Variants in QRFPR observed in about 807,000 individuals in gnomAD.
The protein encoded by QRFPR is pyroglutamylated RFamide peptide receptor.
A neutral mutation model predicts 31.3 loss-of-function variants in QRFPR; 37 were observed. That is an observed-to-expected ratio of 1.18 (90% CI 0.91 to 1.56). The LOEUF (loss-of-function observed/expected upper bound fraction) is 1.56. QRFPR is among the 40% of genes most tolerant of loss of function. The pLI is 0.00. For missense variants in QRFPR, 542 were observed against 532.5 expected (o/e 1.02, Z -0.18); for synonymous variants, 197 against 192.0 (o/e 1.03, Z -0.22).
At chr4:121,367,579 TAACAGTGC>T (rs1726153392) in intron 1 of QRFPR, among the ~76,000 whole-genome samples, 1 of 150,592 alleles carries the variant, frequency 6.6e-6, no homozygotes, top group Admixed American at 6.6e-5. Context: ...GAGATATTAC[TAACAGTGC>T]AACAAGTTTT....
At chr4:121,367,277 G>A (rs959391812) in intron 1 of QRFPR, among the ~76,000 whole-genome samples, 3 of 149,808 alleles carry the variant, frequency 2.0e-5, no homozygotes, top group African/African-American at 7.4e-5. Context: ...AGACACATGA[G>A]CCTTGAAAGG....
At chr4:121,370,853 A>AT (rs1373214148) in intron 1 of QRFPR, among the ~76,000 whole-genome samples, 1 of 152,210 alleles carries the variant, frequency 6.6e-6, no homozygotes, top group Non-Finnish European at 1.5e-5. Flanking sequence ...ATGCATTAAT[A>AT]TTTTTGTGAA....
intron 1 of QRFPR, among the ~76,000 whole-genome samples, chr4:121,357,246 AGAC>A (rs1435378967): frequency 6.6e-6 from 1 of 152,104 alleles, no homozygotes; most frequent in African/African-American, 2.4e-5. Flanking sequence ...ATTCCTTGGC[AGAC>A]AAGAGAGGAT....
Position 121,332,900 on chromosome 4 carries a change from C to T in QRFPR, c.718G>A (p.Glu240Lys), listed in dbSNP as rs935480016. The change falls in exon 4 of 6, where the codon GAA (glutamate) becomes AAA (lysine). Residue 240 changes from glutamate to lysine, a missense_variant. By Grantham distance (56) the Glu-to-Lys change is moderately conservative. Coordinates refer to ENST00000394427, the MANE Select transcript of QRFPR (RefSeq NM_198179.3). ...MLILYSKIGY[E>K]LWIKKRVGDG... ...CCAACTCTTTTCTTTATCCAAAGTT[C>T]ATAACCAATTTTACTGTACAGAATA... is the stretch of plus-strand genomic sequence containing the variant. 1 of 1,614,152 alleles carries T rather than the reference C, an allele frequency of 6.2e-7. No individual in the cohort carries two copies. Among genetic ancestry groups the T allele is most frequent in the African/African-American group, 1.3e-5 (1 of 75,050 alleles).
At chr4:121,353,255 A>G (rs1725797920) in intron 1 of QRFPR, among the ~76,000 whole-genome samples, 1 of 152,020 alleles carries the variant, frequency 6.6e-6, no homozygotes, top group Non-Finnish European at 1.5e-5. Flanking sequence ...GCTGGATTGT[A>G]TGGTAGTTTT....
chr4:121,360,409 G>A, intron 1 of QRFPR, among the ~76,000 whole-genome samples: 1 of 152,144 alleles, frequency 6.6e-6, no homozygotes, highest in East Asian at 1.9e-4. Flanking sequence ...CCAATTCTGA[G>A]AGCTGGCTAG....
intron 2 of QRFPR, among the ~76,000 whole-genome samples, chr4:121,339,523 C>T (rs868544647): frequency 3.3e-5 from 5 of 152,160 alleles, no homozygotes; most frequent in Admixed American, 1.3e-4. Flanking sequence ...CAGGCATCCC[C>T]AGCACTCAGA....
At chr4:121,340,108 C>CAAAAAAAAAAAAAAAAAAAAAAAAAAAA (rs58311512) in intron 2 of QRFPR, 1 of 128,956 alleles carries the variant, frequency 7.8e-6, no homozygotes. Flanking sequence ...CACTCTGTCT[C>CAAAAAAAAAAAAAAAAAAAAAAAAAAAA]AAAAAAAAAA....
At chr4:121,354,499 C>T (rs1311971385) in intron 1 of QRFPR, among the ~76,000 whole-genome samples, 2 of 151,936 alleles carry the variant, frequency 1.3e-5, no homozygotes, top group African/African-American at 4.8e-5. Context: ...CATCTGCAAA[C>T]AAGGATAATT....
chr4:121,335,612 G>A (rs1320312625), intron 3 of QRFPR, among the ~76,000 whole-genome samples: 1 of 150,924 alleles, frequency 6.6e-6, no homozygotes, highest in Non-Finnish European at 1.5e-5. Context: ...TGGGGCAGGG[G>A]AGAGAAAAAG....
At position 121,368,303 on chromosome 4, in the gene QRFPR, T is replaced by C. The variant is rs955063564; in HGVS notation, c.340+12005A>G. 8.7e-5 allele frequency among the ~76,000 whole-genome samples: 13 copies of C among 150,052 alleles called. 1 individual carries two copies. Among genetic ancestry groups the C allele is most frequent in the African/African-American group, 3.2e-4 (13 of 40,516 alleles). On this transcript the variant is annotated intron_variant, in intron 1 of 5. Coordinates refer to ENST00000394427, the MANE Select transcript of QRFPR (RefSeq NM_198179.3). ...CTCCACATAAACCTCAAGACTATAA[T>C]CTAACTGTACCTACCATCTCCTTTA...
At chr4:121,379,032 A>G (rs373240368) in intron 1 of QRFPR, among the ~76,000 whole-genome samples, 113 of 152,318 alleles carry the variant, frequency 7.4e-4, no homozygotes, top group African/African-American at 2.6e-3. Context: ...AGTTAGTTGC[A>G]CTGAGCAACT....
Position 121,342,226 on chromosome 4 carries a change from C to T in QRFPR, c.341-1616G>A, listed in dbSNP as rs117862730. Among the ~76,000 whole-genome samples, 3 of 152,004 alleles carry T rather than the reference C, an allele frequency of 2.0e-5. No homozygotes were observed. The East Asian group carries it at 5.8e-4, about 29-fold the overall frequency. On this transcript the variant is annotated intron_variant, in intron 1 of 5. Transcript: ENST00000394427. ...CCTTTGACATCAATGCTCCTGGTTC[C>T]CACACCTTCTGACTCAGACTGGGAC... is the stretch of plus-strand genomic sequence containing the variant.
At position 121,330,533 on chromosome 4, in the gene QRFPR, CA is replaced by C. The variant is rs1431917107; in HGVS notation, c.798-11del. The stretch of plus-strand genomic sequence containing the variant: ...AGCTCGTTTCTTCTTCCTAAACCCA[CA>C]AGGAAACATTGTATTAGTTAACTTC... On this transcript the variant is annotated splice_polypyrimidine_tract_variant and intron_variant, in intron 4 of 5. Coordinates refer to ENST00000394427, the MANE Select transcript of QRFPR (RefSeq NM_198179.3). 1 of 1,606,170 alleles carries C rather than the reference CA, an allele frequency of 6.2e-7. No individual in the cohort carries two copies. Among genetic ancestry groups the C allele is most frequent in the African/African-American group, 1.3e-5 (1 of 74,772 alleles).
At chr4:121,369,770 G>T (rs879646965) in intron 1 of QRFPR, 3 of 1,594,572 alleles carry the variant, frequency 1.9e-6, no homozygotes, top group Non-Finnish European at 1.7e-6. Flanking sequence ...AGAACCAGAA[G>T]TGAACCAGCC....
rs1726449637 is a variant in QRFPR, at chr4:121,380,191, GA to G, written c.340+116del. On this transcript the variant is annotated intron_variant, in intron 1 of 5. Transcript: ENST00000394427. ...AGAGACAGACAGACGAGAGAGGAGA[GA>G]GAGAGAGAGAGAGAGAGAGAGAGAG... is the stretch of plus-strand genomic sequence containing the variant. 7.3e-5 allele frequency: 11 copies of G among 149,950 alleles called. 1 individual carries two copies. The Admixed American group carries it at 8.2e-4, about 11-fold the overall frequency. 9.3% of individuals were successfully genotyped at this position (149,950 alleles called of 1,614,324 possible).
intron 1 of QRFPR, among the ~76,000 whole-genome samples, chr4:121,352,414 T>G (rs1427179195): frequency 1.3e-5 from 2 of 151,964 alleles, no homozygotes; most frequent in East Asian, 3.9e-4. Flanking sequence ...CAAAAAAGAT[T>G]CAAAGACCAA....
chr4:121,380,015 A>C (rs1419223862), intron 1 of QRFPR, among the ~76,000 whole-genome samples: 1 of 151,990 alleles, frequency 6.6e-6, no homozygotes, highest in African/African-American at 2.4e-5. Context: ...CTTTTCCCCA[A>C]CCTATGTCTC....
rs755336933 is a variant in QRFPR, at chr4:121,380,554, G to A, written c.94C>T (p.Arg32Ter). 7 of 1,607,730 alleles carry A rather than the reference G, an allele frequency of 4.4e-6. No homozygotes were observed. The highest frequency in any genetic ancestry group is 1.7e-4 in the Middle Eastern group (1 of 6,042). Residue 32 changes from arginine to a stop codon, truncating the protein, a stop_gained, in exon 1 of 6, where the codon CGA becomes TGA. Coordinates refer to ENST00000394427, the MANE Select transcript of QRFPR (RefSeq NM_198179.3). LOFTEE classifies it high-confidence loss of function. ...AGCTCTGGGGTGTAGACGAGCGGTC[G>A]CAGCCGGTACAGAGCGATGAACTGC... ...REQFIALYRL[R>*]PLVYTPELPG...
Sources: gnomAD v4.1 joint callset for allele counts (sites outside exome capture counted in the v4.1 genomes callset) on GRCh38, gnomAD v4.1.1 for gene constraint, MANE v1.5 for transcripts, NCBI Gene and HGNC (gene_info 2026-07-23, HGNC 2026-07-21) for gene names.